PFDN4: variants seen among roughly 807,000 people sequenced by gnomAD.
The protein encoded by PFDN4 is prefoldin subunit 4.
Under a neutral mutation model 17.6 loss-of-function variants are expected in PFDN4, and 6 were observed. The observed-to-expected ratio is 0.34, with a 90% CI of 0.19 to 0.67. The LOEUF is 0.67. PFDN4 is among the 30% of genes least tolerant of loss of function. The pLI is 0.68. For missense variants in PFDN4, 119 were observed against 158.4 expected, an observed-to-expected ratio of 0.75 and a Z score of 1.33; for synonymous variants, 48 against 51.1, an observed-to-expected ratio of 0.94 and a Z score of 0.26.
chr20:54,218,992 A>G, intron 3 of PFDN4, 27 bp from the exon 4 acceptor site: 1 of 1,356,460 alleles, frequency 7.4e-7, no homozygotes, highest in Non-Finnish European at 1.0e-6. Flanking sequence ...TATTGAATAG[A>G]ATTAATTTAA....
At chr20:54,216,679 T>A (rs1200428620) in intron 3 of PFDN4, among the ~76,000 whole-genome samples, 1 of 152,038 alleles carries the variant, frequency 6.6e-6, no homozygotes. Context: ...TTTTTTGAGA[T>A]GGAGTCTTGC....
intron 1 of PFDN4, among the ~76,000 whole-genome samples, chr20:54,213,425 A>C (rs1441958535): frequency 1.3e-5 from 2 of 152,168 alleles, no homozygotes; most frequent in Admixed American, 6.5e-5. Flanking sequence ...ACACACGTGC[A>C]CACTCACAGA....
At chr20:54,218,460 T>C (rs2092765593) in intron 3 of PFDN4, among the ~76,000 whole-genome samples, 1 of 152,208 alleles carries the variant, frequency 6.6e-6, no homozygotes, top group Non-Finnish European at 1.5e-5. Context: ...TCACCTCAAA[T>C]ACTTAGAAAA....
chr20:54,218,602 T>A (rs1170432904), intron 3 of PFDN4, among the ~76,000 whole-genome samples: 1 of 152,206 alleles, frequency 6.6e-6, no homozygotes, highest in Non-Finnish European at 1.5e-5. Flanking sequence ...CATAAGTTGT[T>A]CTTCTTAATT....
intron 2 of PFDN4, among the ~76,000 whole-genome samples, chr20:54,214,933 A>C (rs2092760674): frequency 6.6e-6 from 1 of 152,204 alleles, no homozygotes; most frequent in Non-Finnish European, 1.5e-5. Context: ...CATTACCCGC[A>C]TGATTTACTT....
rs769758966 is a variant in PFDN4, at chr20:54,214,356, A to G, written c.30A>G (p.Ala10=). 6.4e-7 allele frequency: 1 copy of G among 1,562,514 alleles called. No homozygotes were observed. The highest frequency in any genetic ancestry group is 2.2e-5 in the East Asian group (1 of 44,452). Residue 10 remains alanine, a synonymous_variant, in exon 2 of 4, where the codon GCA becomes GCG. Coordinates refer to ENST00000371419, the MANE Select transcript of PFDN4 (RefSeq NM_002623.4). ...AACTTAAACACTTCTTTCAGGCTGC[A>G]GAAGATGTCAATGTTACTTTCGAAG... MAATMKKAA[A]EDVNVTFEDQ... is the part of the protein sequence containing the mutation.
intron 1 of PFDN4, 169 bp downstream of exon 1, chr20:54,208,293 G>C: frequency 1.8e-6 from 1 of 551,422 alleles, no homozygotes; most frequent in South Asian, 3.6e-5. Context: ...CGCGCCTGGC[G>C]CCCTGAGCGT....
rs368441591 is a variant in PFDN4 at position 54,216,890 on chromosome 20, C to T, written c.273+1450C>T. Among the ~76,000 whole-genome samples the T allele has an allele frequency of 5.3e-5, 8 of 152,004 alleles. No homozygotes were observed. In the South Asian group the frequency reaches 1.0e-3, roughly 20 times the overall value. ...CAGACTGGTCTCGAACTCCTGACCT[C>T]GTGCTCGTGATCCACCCGCCTCAGC... is the stretch of plus-strand genomic sequence containing the variant. On this transcript the variant is annotated intron_variant, in intron 3 of 3. Transcript: ENST00000371419.
At position 54,219,547 on chromosome 20, in the gene PFDN4, C is replaced by G. The variant is rs1223415866; in HGVS notation, c.*397C>G. Reference sequence around the variant, plus strand: ...GGGGAAAGCACGATGAAAAGATGTACAATCCTGCATCCTTGCTTATTTCAC... The same window carrying G: ...GGGGAAAGCACGATGAAAAGATGTAGAATCCTGCATCCTTGCTTATTTCAC... On this transcript the variant is annotated 3_prime_UTR_variant, in exon 4 of 4. Coordinates refer to ENST00000371419, the MANE Select transcript of PFDN4 (RefSeq NM_002623.4). 1.3e-5 allele frequency: 5 copies of G among 393,454 alleles called. No individual in the cohort carries two copies. Among genetic ancestry groups the G allele is most frequent in the Non-Finnish European group, 1.8e-5 (4 of 224,062 alleles). The allele number at this position is 393,454 out of a possible 1,614,324, so 24.4% of individuals were successfully genotyped here.
chr20:54,209,480 T>A (rs1157220077), intron 1 of PFDN4, among the ~76,000 whole-genome samples: 1 of 152,212 alleles, frequency 6.6e-6, no homozygotes, highest in East Asian at 1.9e-4. Flanking sequence ...ACCCTACTAT[T>A]CTGCCATCCA....
chr20:54,218,968 C>A, intron 3 of PFDN4, 51 bp from the exon 4 acceptor site: 1 of 1,183,826 alleles, frequency 8.4e-7, no homozygotes, highest in Non-Finnish European at 1.2e-6. Flanking sequence ...GACACAGATG[C>A]TCAGAAATCA....
At chr20:54,211,992 A>C (rs941439484) in intron 1 of PFDN4, among the ~76,000 whole-genome samples, 1 of 152,142 alleles carries the variant, frequency 6.6e-6, no homozygotes, top group Non-Finnish European at 1.5e-5. Context: ...TAGGAGTTCA[A>C]GACCAGCCTG....
chr20:54,212,604 ATG>A (rs1200403536), intron 1 of PFDN4, among the ~76,000 whole-genome samples: 1 of 152,258 alleles, frequency 6.6e-6, no homozygotes, highest in East Asian at 1.9e-4. Context: ...AGCCTTAGTT[ATG>A]TGCCAGGCAG....
chr20:54,214,684 G>A (rs1164887245), intron 2 of PFDN4, among the ~76,000 whole-genome samples: 2 of 152,154 alleles, frequency 1.3e-5, no homozygotes, highest in South Asian at 4.2e-4. Context: ...AACAAGTCTC[G>A]GAGAACTTGG....
intron 1 of PFDN4, among the ~76,000 whole-genome samples, chr20:54,214,101 A>G (rs1162778499): frequency 6.6e-6 from 1 of 152,114 alleles, no homozygotes; most frequent in Non-Finnish European, 1.5e-5. Flanking sequence ...GGACTTATTA[A>G]TTGTTCTTTA....
At chr20:54,214,318 A>C (rs1231228079) in intron 1 of PFDN4, 33 bp from the exon 2 acceptor site, 1 of 1,200,206 alleles carries the variant, frequency 8.3e-7, no homozygotes, top group South Asian at 1.3e-5. Flanking sequence ...CTTCTCCGTT[A>C]AAATTTTACA....
In PFDN4 at chr20:54,208,273, A is replaced by C. The variant is rs551612163; in HGVS notation, c.24+149A>C. 9.0e-6 allele frequency: 6 copies of C among 664,770 alleles called. No individual in the cohort carries two copies. The East Asian group carries it at 1.8e-4, about 19-fold the overall frequency. The allele number at this position is 664,770 out of a possible 1,614,324, so 41.2% of individuals were successfully genotyped here. ...GAGGCCCTGAGAGCGGTCCCGCGGCAAGGCCTGCTCGCGCCTGGCGCCCTG... is the reference window on the plus strand; with the variant it reads ...GAGGCCCTGAGAGCGGTCCCGCGGCCAGGCCTGCTCGCGCCTGGCGCCCTG... On this transcript the variant is annotated intron_variant, in intron 1 of 3. Transcript: ENST00000371419.
At chr20:54,215,124 A>C (rs965747897) in intron 2 of PFDN4, among the ~76,000 whole-genome samples, 176 bp from the exon 3 acceptor site, 7 of 152,230 alleles carry the variant, frequency 4.6e-5, no homozygotes, top group African/African-American at 1.7e-4. Flanking sequence ...GGTAGCTCTA[A>C]GTGCTTGCTT....
At chr20:54,208,415 A>T in intron 1 of PFDN4, 1 of 400,242 alleles carries the variant, frequency 2.5e-6, no homozygotes, top group Admixed American at 4.7e-5. Context: ...GAGTCTGAGG[A>T]ACCTGCAGCC....
Sources: gnomAD v4.1 joint callset for allele counts (sites outside exome capture counted in the v4.1 genomes callset) on GRCh38, gnomAD v4.1.1 for gene constraint, MANE v1.5 for transcripts, NCBI Gene and HGNC (gene_info 2026-07-23, HGNC 2026-07-21) for gene names.